EIF2AK4: variants seen among roughly 807,000 people sequenced by gnomAD.
EIF2AK4 encodes the protein eukaryotic translation initiation factor 2 alpha kinase 4, also known as eIF-2-alpha kinase GCN2.
Under a neutral mutation model 211.1 loss-of-function variants are expected in EIF2AK4, and 139 were observed. That is an observed-to-expected ratio of 0.66 (90% CI 0.57 to 0.76). The LOEUF (loss-of-function observed/expected upper bound fraction) is 0.76. Ranked by LOEUF, EIF2AK4 falls within the 30% of genes least tolerant of loss-of-function variation. EIF2AK4 has a pLI of 0.00. For missense variants in EIF2AK4, 1,664 were observed against 2,043.8 expected (o/e 0.81, Z 3.58); for synonymous variants, 710 against 751.3 (o/e 0.94, Z 0.90).
chr15:40,029,507 G>A (rs2140950933), intron 34 of EIF2AK4, 43 bp downstream of exon 34: 1 of 1,584,570 alleles, frequency 6.3e-7, no homozygotes, highest in South Asian at 1.1e-5. Context: ...ATGCTTATAT[G>A]TTTGCTCTAA....
intron 32 of EIF2AK4, among the ~76,000 whole-genome samples, chr15:40,025,552 T>A (rs1366377543): frequency 6.6e-6 from 1 of 151,942 alleles, no homozygotes; most frequent in African/African-American, 2.4e-5. Flanking sequence ...GAGTGGTAGA[T>A]GAAGCTGAGA....
At chr15:40,029,960 T>C (rs548357993) in intron 34 of EIF2AK4, among the ~76,000 whole-genome samples, 1 of 152,342 alleles carries the variant, frequency 6.6e-6, no homozygotes, top group Admixed American at 6.5e-5. Context: ...TTTAACAGAA[T>C]TGAGTCTTTC....
At chr15:39,983,697 C>T (rs2034826036) in intron 13 of EIF2AK4, among the ~76,000 whole-genome samples, 1 of 152,256 alleles carries the variant, frequency 6.6e-6, no homozygotes, top group Non-Finnish European at 1.5e-5. Context: ...CTGCCTCGGC[C>T]TTCCACATTG....
At chr15:39,988,135 A>G in intron 15 of EIF2AK4, 30 bp downstream of exon 15, 1 of 1,607,296 alleles carries the variant, frequency 6.2e-7, no homozygotes, top group Non-Finnish European at 8.5e-7. Context: ...ATATCTGAAG[A>G]CTTATGTTTA....
intron 7 of EIF2AK4, among the ~76,000 whole-genome samples, chr15:39,964,235 G>A (rs56143280): frequency 0.3 from 46,110 of 152,114 alleles, 7,095 homozygotes; most frequent in African/African-American, 0.35. Flanking sequence ...TCTTTATCAT[G>A]TATATGCAGG....
intron 2 of EIF2AK4, among the ~76,000 whole-genome samples, chr15:39,941,731 T>G (rs1328610161): frequency 1.3e-5 from 2 of 152,180 alleles, no homozygotes; most frequent in African/African-American, 4.8e-5. Context: ...TCCTGGGCAT[T>G]GTGGGATATT....
chr15:39,941,467 A>C (rs2034143470), intron 2 of EIF2AK4, among the ~76,000 whole-genome samples: 1 of 152,170 alleles, frequency 6.6e-6, no homozygotes, highest in Non-Finnish European at 1.5e-5. Flanking sequence ...TGCCAGGAAC[A>C]GGGGTCAAAT....
chr15:40,034,890 A>G (rs2035594081), intron 38 of EIF2AK4, 137 bp from the exon 39 acceptor site: 4 of 603,344 alleles, frequency 6.6e-6, no homozygotes, highest in Admixed American at 2.7e-5. Flanking sequence ...TATAAAACCT[A>G]TATAATTTTT....
chr15:39,934,590 A>G (rs1001870064), intron 1 of EIF2AK4, among the ~76,000 whole-genome samples: 2 of 151,982 alleles, frequency 1.3e-5, no homozygotes, highest in Admixed American at 6.5e-5. Flanking sequence ...CCTCCCTCTT[A>G]CCTGGCACTG....
intron 29 of EIF2AK4, among the ~76,000 whole-genome samples, chr15:40,017,551 A>ATATATATGTATG (rs71132134): frequency 1.0e-4 from 9 of 87,078 alleles, no homozygotes; most frequent in Non-Finnish European, 1.6e-4. Context: ...ATATATATAT[A>ATATATATGTATG]TATGTATTTT....
intron 36 of EIF2AK4, 149 bp downstream of exon 36, chr15:40,032,386 T>A: frequency 1.5e-6 from 1 of 664,500 alleles, no homozygotes; most frequent in Non-Finnish European, 2.6e-6. Flanking sequence ...TTAAAACTAT[T>A]AAGAACTAGG....
intron 21 of EIF2AK4, 119 bp from the exon 22 acceptor site, chr15:40,002,594 A>G: frequency 3.0e-6 from 3 of 1,005,952 alleles, no homozygotes; most frequent in Non-Finnish European, 4.7e-6. Context: ...ACTTGTCAAG[A>G]CTTGTTTTTT....
chr15:40,022,449 TCTC>T, intron 31 of EIF2AK4, 67 bp from the exon 32 acceptor site: 1 of 1,265,398 alleles, frequency 7.9e-7, no homozygotes, highest in South Asian at 1.3e-5. Flanking sequence ...GTATTTTCAT[TCTC>T]CTTAATTACT....
intron 23 of EIF2AK4, among the ~76,000 whole-genome samples, chr15:40,006,162 T>G (rs2035159919): frequency 6.6e-6 from 1 of 152,212 alleles, no homozygotes; most frequent in Non-Finnish European, 1.5e-5. Context: ...TATGGCTTAT[T>G]GTGAAACAGG....
chr15:40,029,606 A>G (rs1230100327), intron 34 of EIF2AK4, 142 bp downstream of exon 34: 3 of 792,760 alleles, frequency 3.8e-6, no homozygotes, highest in East Asian at 5.7e-5. Flanking sequence ...CATGGGATGC[A>G]TCCCTATGCT....
intron 27 of EIF2AK4, among the ~76,000 whole-genome samples, chr15:40,014,545 G>C (rs1662195817): frequency 6.6e-6 from 1 of 152,218 alleles, no homozygotes; most frequent in Non-Finnish European, 1.5e-5. Flanking sequence ...CTTAGACACA[G>C]GGCACCAAGT....
At chr15:39,960,703 G>T (rs1310483014) in intron 6 of EIF2AK4, among the ~76,000 whole-genome samples, 1 of 152,072 alleles carries the variant, frequency 6.6e-6, no homozygotes, top group East Asian at 1.9e-4. Flanking sequence ...AGAGAGAGGG[G>T]CTGACTGAAC....
In EIF2AK4 at chr15:39,949,131, C is replaced by G. The variant is rs766662057; in HGVS notation, c.376C>G (p.Leu126Val). ...KHCGEVMIFE[L>V]AYHVQSFLSE... is the part of the protein sequence containing the mutation. Reference sequence around the variant, plus strand: ...ACATGTTTAGGTGATGATCTTTGAACTGGCTTACCACGTGCAGTCATTTCT... The same window carrying G: ...ACATGTTTAGGTGATGATCTTTGAAGTGGCTTACCACGTGCAGTCATTTCT... The change falls in exon 4 of 39, where the codon CTG becomes GTG. Residue 126 changes from leucine (L) to valine (V), a missense_variant. Around this residue, in one of 7 missense-constraint regions of EIF2AK4, gnomAD observed 641 missense variants for 729.6 expected, o/e 0.88. Transcript: ENST00000263791. 1 of 1,613,582 alleles carries G rather than the reference C, an allele frequency of 6.2e-7. No individual in the cohort carries two copies. The highest frequency in any genetic ancestry group is 2.2e-5 in the East Asian group (1 of 44,862).
chr15:39,941,123 A>G (rs1397907630), intron 2 of EIF2AK4, among the ~76,000 whole-genome samples: 1 of 152,082 alleles, frequency 6.6e-6, no homozygotes, highest in East Asian at 1.9e-4. Context: ...TTCAACCAAG[A>G]ATCTCCCTGA....
Sources: allele counts gnomAD v4.1 joint callset (sites outside exome capture counted in the v4.1 genomes callset), GRCh38; gene constraint gnomAD v4.1.1; regional missense constraint gnomAD v4.1.1; transcripts MANE v1.5; gene names NCBI Gene and HGNC (gene_info 2026-07-23, HGNC 2026-07-21).